The following ALCAM variants were observed in gnomAD, a reference collection of about 807,000 sequenced individuals.
ALCAM encodes activated leukocyte cell adhesion molecule.
Under a neutral mutation model 70.9 loss-of-function variants are expected in ALCAM, and 30 were observed. The ratio of observed to expected loss-of-function variants is 0.42; its 90% CI spans 0.32 to 0.57. ALCAM has a LOEUF of 0.57. Among genes scored for constraint, ALCAM ranks in the 20% least tolerant of loss-of-function variants. ALCAM has a pLI of 0.11. For synonymous variants in ALCAM, 249 were observed against 242.5 expected (o/e 1.03, Z -0.25); for missense variants, 591 against 695.1 (o/e 0.85, Z 1.68).
intron 3 of ALCAM, among the ~76,000 whole-genome samples, chr3:105,526,747 G>T (rs1220854121): frequency 6.6e-6 from 1 of 152,064 alleles, no homozygotes; most frequent in Non-Finnish European, 1.5e-5. Flanking sequence ...TTTACTTTGG[G>T]TCACTTTCTG....
At chr3:105,476,546 G>T (rs1287159757) in intron 1 of ALCAM, among the ~76,000 whole-genome samples, 2 of 151,744 alleles carry the variant, frequency 1.3e-5, no homozygotes, top group African/African-American at 4.8e-5. Context: ...TACTTTACTG[G>T]TTCCAGTTAG....
chr3:105,508,163 T>C (rs949879292), intron 1 of ALCAM, among the ~76,000 whole-genome samples: 1 of 152,234 alleles, frequency 6.6e-6, no homozygotes, highest in African/African-American at 2.4e-5. Flanking sequence ...TCATTTTCTT[T>C]CTAGTCCTTC....
At chr3:105,380,569 G>C (rs1935492927) in intron 1 of ALCAM, among the ~76,000 whole-genome samples, 1 of 151,810 alleles carries the variant, frequency 6.6e-6, no homozygotes, top group Non-Finnish European at 1.5e-5. Context: ...TTGTATGTTT[G>C]AGTCAGTGTT....
Position 105,529,514 on chromosome 3 carries a change from T to C in ALCAM, c.395-2488T>C, listed in dbSNP as rs543066201. Among the ~76,000 whole-genome samples the C allele has an allele frequency of 1.1e-4, 17 of 152,246 alleles. No individual in the cohort carries two copies. In the East Asian group the frequency reaches 2.9e-3, roughly 26 times the overall value. On this transcript the variant is annotated intron_variant, in intron 3 of 15. Transcript: ENST00000306107. Reference sequence around the variant, plus strand: ...AGAAAATTACATTCAAGATACATAGTTAATATAGAGGACTCAAAACAAACC... The same window carrying C: ...AGAAAATTACATTCAAGATACATAGCTAATATAGAGGACTCAAAACAAACC...
At chr3:105,503,250 A>G (rs1938973128) in intron 1 of ALCAM, among the ~76,000 whole-genome samples, 1 of 152,230 alleles carries the variant, frequency 6.6e-6, no homozygotes, top group South Asian at 2.1e-4. Flanking sequence ...AAGCTTTTCC[A>G]AAGAGCTAAC....
At chr3:105,536,808 A>T (rs1022185697) in intron 6 of ALCAM, among the ~76,000 whole-genome samples, 1 of 152,164 alleles carries the variant, frequency 6.6e-6, no homozygotes, top group African/African-American at 2.4e-5. Context: ...CAGTATTAAG[A>T]GTCTTGAGGG....
chr3:105,523,840 G>C (rs899590374), intron 2 of ALCAM, among the ~76,000 whole-genome samples: 1 of 152,086 alleles, frequency 6.6e-6, no homozygotes, highest in African/African-American at 2.4e-5. Flanking sequence ...TAGAGGTGTG[G>C]ACATTTAAAA....
At chr3:105,534,447 A>G (rs1169452406) in intron 5 of ALCAM, among the ~76,000 whole-genome samples, 3 of 152,140 alleles carry the variant, frequency 2.0e-5, no homozygotes, top group Non-Finnish European at 4.4e-5. Flanking sequence ...CTAGAAGTTA[A>G]TTAAGTGAGT....
intron 1 of ALCAM, among the ~76,000 whole-genome samples, chr3:105,392,768 G>A (rs2107356476): frequency 6.6e-6 from 1 of 151,938 alleles, no homozygotes; most frequent in South Asian, 2.1e-4. Context: ...AGAGATTCTG[G>A]TACACTGTCT....
chr3:105,570,891 G>T (rs896124378), intron 14 of ALCAM, among the ~76,000 whole-genome samples: 6 of 152,122 alleles, frequency 3.9e-5, no homozygotes, highest in Non-Finnish European at 7.4e-5. Flanking sequence ...AGACTGCAAG[G>T]TCATATAATG....
intron 14 of ALCAM, among the ~76,000 whole-genome samples, chr3:105,568,468 T>C (rs997022528): frequency 6.6e-6 from 1 of 152,152 alleles, no homozygotes; most frequent in African/African-American, 2.4e-5. Flanking sequence ...TGCTAAGCAC[T>C]TCTGGCTTGG....
chr3:105,550,387 GTA>G, intron 12 of ALCAM, 128 bp downstream of exon 12: 1 of 948,118 alleles, frequency 1.1e-6, no homozygotes, highest in East Asian at 2.8e-5. Flanking sequence ...TTTGCATTTG[GTA>G]TCATCATCAT....
At chr3:105,407,139 G>T (rs974422647) in intron 1 of ALCAM, among the ~76,000 whole-genome samples, 1 of 151,960 alleles carries the variant, frequency 6.6e-6, no homozygotes, top group Non-Finnish European at 1.5e-5. Flanking sequence ...CAAAGAATTG[G>T]CACCAATCCT....
chr3:105,515,863 C>T lies in ALCAM; in HGVS notation c.74-4204C>T, dbSNP rs368681300. On this transcript the variant is annotated intron_variant, in intron 1 of 15. Coordinates refer to ENST00000306107, the MANE Select transcript of ALCAM (RefSeq NM_001627.4). ...TAGTAAAAAAATATGAAAGTAATTTCTAAGGATAAACTTCTCATTTCTATC... is the reference window on the plus strand; with the variant it reads ...TAGTAAAAAAATATGAAAGTAATTTTTAAGGATAAACTTCTCATTTCTATC... Among the ~76,000 whole-genome samples the T allele has an allele frequency of 3.3e-5, 5 of 152,132 alleles. No individual in the cohort carries two copies. The East Asian group carries it at 5.8e-4, about 18-fold the overall frequency.
chr3:105,457,687 G>A (rs1937552687), intron 1 of ALCAM, among the ~76,000 whole-genome samples: 1 of 152,156 alleles, frequency 6.6e-6, no homozygotes, highest in Admixed American at 6.5e-5. Context: ...CTGCCCATAT[G>A]CTGGAAGAAG....
intron 1 of ALCAM, among the ~76,000 whole-genome samples, chr3:105,379,563 T>G (rs1189933809): frequency 1.3e-5 from 2 of 151,828 alleles, no homozygotes. Context: ...TTATTATATG[T>G]GTTTCTGTAA....
chr3:105,419,176 A>G (rs545456816), intron 1 of ALCAM, among the ~76,000 whole-genome samples: 1 of 77,240 alleles, frequency 1.3e-5, no homozygotes, highest in Non-Finnish European at 2.6e-5. Context: ...ATGTAGTATT[A>G]TAGTTTAAAG....
intron 14 of ALCAM, among the ~76,000 whole-genome samples, chr3:105,568,054 T>TTTA (rs1366940128): frequency 1.6e-4 from 17 of 104,706 alleles, no homozygotes; most frequent in African/African-American, 5.7e-4. Flanking sequence ...TATTATTTTA[T>TTTA]TTTATTTTAT....
chr3:105,421,751 G>C (rs1576152430), intron 1 of ALCAM, among the ~76,000 whole-genome samples: 1 of 151,440 alleles, frequency 6.6e-6, no homozygotes, highest in African/African-American at 2.4e-5. Flanking sequence ...ACTTTGATGA[G>C]ATTAAAACAT....
Sources: allele counts gnomAD v4.1 joint callset (sites outside exome capture counted in the v4.1 genomes callset), GRCh38; gene constraint gnomAD v4.1.1; transcripts MANE v1.5; gene names NCBI Gene and HGNC (gene_info 2026-07-23, HGNC 2026-07-21).